PRKG1: variants seen among roughly 807,000 people sequenced by gnomAD.
PRKG1 encodes protein kinase cGMP-dependent 1, also known as cGMP-dependent protein kinase 1.
A neutral mutation model predicts 88.1 loss-of-function variants in PRKG1; 35 were observed. The observed-to-expected ratio is 0.40, with a 90% CI of 0.30 to 0.53. The LOEUF is 0.53. PRKG1 is among the 20% of genes least tolerant of loss of function. PRKG1 has a pLI of 0.59. For synonymous variants in PRKG1, 303 were observed against 292.5 expected (o/e 1.04, Z -0.37); for missense variants, 540 against 839.8 (o/e 0.64, Z 4.41).
intron 5 of PRKG1, among the ~76,000 whole-genome samples, chr10:51,933,339 A>G (rs1842733979): frequency 6.6e-6 from 1 of 152,174 alleles, no homozygotes; most frequent in Admixed American, 6.6e-5. Flanking sequence ...ACACATGATA[A>G]TGGATGATCT....
At chr10:52,065,608 C>T (rs895537482) in intron 7 of PRKG1, among the ~76,000 whole-genome samples, 3 of 152,146 alleles carry the variant, frequency 2.0e-5, no homozygotes, top group African/African-American at 7.2e-5. Context: ...GAAGTAACTA[C>T]ACTCAACTTT....
chr10:51,201,108 C>G (rs1158199240), intron 2 of PRKG1, among the ~76,000 whole-genome samples: 1 of 152,092 alleles, frequency 6.6e-6, no homozygotes, highest in Non-Finnish European at 1.5e-5. Flanking sequence ...TTCAATTTTT[C>G]CATGGGTATG....
chr10:51,854,386 G>T (rs983544597), intron 4 of PRKG1, among the ~76,000 whole-genome samples: 21 of 152,216 alleles, frequency 1.4e-4, no homozygotes, highest in Middle Eastern at 6.8e-3. Context: ...GGCAATATTT[G>T]TCTGTCACCC....
chr10:52,138,035 T>G (rs1837474800), intron 8 of PRKG1, among the ~76,000 whole-genome samples: 1 of 152,076 alleles, frequency 6.6e-6, no homozygotes, highest in Non-Finnish European at 1.5e-5. Flanking sequence ...AAGATTTAAA[T>G]TATCAGGGTC....
chr10:52,035,816 G>A (rs1314683193), intron 5 of PRKG1, among the ~76,000 whole-genome samples: 1 of 152,108 alleles, frequency 6.6e-6, no homozygotes, highest in East Asian at 1.9e-4. Flanking sequence ...TGATTTTGAG[G>A]GCCTCTAAAA....
intron 3 of PRKG1, among the ~76,000 whole-genome samples, chr10:51,784,112 T>C (rs1477134136): frequency 6.6e-6 from 1 of 152,084 alleles, no homozygotes; most frequent in Admixed American, 6.6e-5. Flanking sequence ...GTTCTTTCCC[T>C]GCTCTGGCTG....
At position 51,290,975 on chromosome 10, in the gene PRKG1, T is replaced by C. The variant is rs189604028; in HGVS notation, c.478+137645T>C. Among the ~76,000 whole-genome samples the C allele has an allele frequency of 1.4e-3, 215 of 152,332 alleles. 2 individuals are homozygous for C. The highest frequency in any genetic ancestry group is 2.5e-3 in the Non-Finnish European group (171 of 68,024). ...AATATATACTATAAGCTATACTACATGTAGTTAATATTTTTACTTTAAACA... is the reference window on the plus strand; with the variant it reads ...AATATATACTATAAGCTATACTACACGTAGTTAATATTTTTACTTTAAACA... On this transcript the variant is annotated intron_variant, in intron 2 of 17. Coordinates refer to ENST00000373980, the MANE Select transcript of PRKG1 (RefSeq NM_006258.4).
chr10:51,616,038 C>A (rs1160674479), intron 3 of PRKG1, among the ~76,000 whole-genome samples: 6 of 152,166 alleles, frequency 3.9e-5, no homozygotes, highest in Non-Finnish European at 7.3e-5. Context: ...TGGGTGCATG[C>A]AGTAAAGTTG....
chr10:52,001,094 G>A (rs1589503522), intron 5 of PRKG1, among the ~76,000 whole-genome samples: 1 of 151,940 alleles, frequency 6.6e-6, no homozygotes, highest in African/African-American at 2.4e-5. Flanking sequence ...GTGAGGTCAT[G>A]CAGTATTTGT....
intron 5 of PRKG1, among the ~76,000 whole-genome samples, chr10:52,009,271 C>A (rs1397909043): frequency 6.6e-6 from 1 of 152,094 alleles, no homozygotes; most frequent in Non-Finnish European, 1.5e-5. Context: ...ATCTAGAAAA[C>A]CCCATTGTTT....
At chr10:51,704,869 G>A (rs1226349464) in intron 3 of PRKG1, among the ~76,000 whole-genome samples, 3 of 152,158 alleles carry the variant, frequency 2.0e-5, no homozygotes, top group African/African-American at 7.2e-5. Context: ...CATGAACATA[G>A]AATAATAATG....
At chr10:51,804,120 T>G (rs115936839) in intron 3 of PRKG1, among the ~76,000 whole-genome samples, 3,711 of 152,222 alleles carry the variant, frequency 0.024, 149 homozygotes, top group African/African-American at 0.083. Context: ...ATTATATAAA[T>G]TCTCCCCTAA....
At chr10:51,719,021 C>T (rs1841951416) in intron 3 of PRKG1, among the ~76,000 whole-genome samples, 1 of 152,096 alleles carries the variant, frequency 6.6e-6, no homozygotes. Context: ...TGGCAAGTGC[C>T]TGCAGTCCTA....
intron 3 of PRKG1, among the ~76,000 whole-genome samples, chr10:51,547,166 A>G (rs1174568352): frequency 1.3e-5 from 2 of 152,068 alleles, no homozygotes; most frequent in Non-Finnish European, 2.9e-5. Flanking sequence ...ATAAATTTGG[A>G]AGTCTTCAAA....
intron 9 of PRKG1, among the ~76,000 whole-genome samples, chr10:52,239,710 A>G (rs1840808477): frequency 6.6e-6 from 1 of 152,086 alleles, no homozygotes; most frequent in Non-Finnish European, 1.5e-5. Flanking sequence ...GAAGTGTTAC[A>G]GCAGCATTCA....
At chr10:51,436,757 GC>G (rs1838944059) in intron 2 of PRKG1, among the ~76,000 whole-genome samples, 2 of 152,052 alleles carry the variant, frequency 1.3e-5, no homozygotes, top group East Asian at 3.9e-4. Context: ...ATGAGATTAA[GC>G]AATGGTTGTA....
At chr10:52,073,494 A>G (rs1846555492) in intron 7 of PRKG1, among the ~76,000 whole-genome samples, 1 of 152,162 alleles carries the variant, frequency 6.6e-6, no homozygotes, top group Non-Finnish European at 1.5e-5. Context: ...CTATGCTGTA[A>G]TCATACTGAG....
intron 1 of PRKG1, among the ~76,000 whole-genome samples, chr10:51,106,171 TC>T (rs2131889312): frequency 6.6e-6 from 1 of 152,342 alleles, no homozygotes; most frequent in Non-Finnish European, 1.5e-5. Context: ...TCTCTATGCC[TC>T]AGTTTCCTTA....
intron 3 of PRKG1, among the ~76,000 whole-genome samples, chr10:51,643,336 G>A (rs1469631953): frequency 6.6e-6 from 1 of 152,090 alleles, no homozygotes; most frequent in South Asian, 2.1e-4. Flanking sequence ...TAGTCACAAT[G>A]TAGAAAACTC....
Sources: allele counts gnomAD v4.1 joint callset (sites outside exome capture counted in the v4.1 genomes callset), GRCh38; gene constraint gnomAD v4.1.1; transcripts MANE v1.5; gene names NCBI Gene and HGNC (gene_info 2026-07-23, HGNC 2026-07-21).